Variants in GATAD2B observed in about 807,000 individuals in gnomAD.
The protein encoded by GATAD2B is GATA zinc finger domain containing 2B.
A neutral mutation model predicts 64.3 loss-of-function variants in GATAD2B; 8 were observed. The ratio of observed to expected loss-of-function variants is 0.12; its 90% CI spans 0.07 to 0.22. The LOEUF is 0.22. GATAD2B is among the 10% of genes least tolerant of loss of function. The pLI, the probability that GATAD2B is intolerant of heterozygous loss-of-function variation, is 1.00. For missense variants in GATAD2B, 453 were observed against 752.0 expected, an observed-to-expected ratio of 0.60 and a Z score of 4.65; for synonymous variants, 281 against 271.3, an observed-to-expected ratio of 1.04 and a Z score of -0.35.
chr1:153,865,756 A>G (rs1676457268), intron 1 of GATAD2B, among the ~76,000 whole-genome samples: 1 of 152,236 alleles, frequency 6.6e-6, no homozygotes, highest in African/African-American at 2.4e-5. Context: ...TATAAGGGTA[A>G]CCACATTTTG....
intron 1 of GATAD2B, among the ~76,000 whole-genome samples, chr1:153,895,783 T>C (rs1268495811): frequency 6.6e-6 from 1 of 152,094 alleles, no homozygotes; most frequent in Non-Finnish European, 1.5e-5. Context: ...CTAAGTCTGA[T>C]GCTCACAGCT....
intron 1 of GATAD2B, among the ~76,000 whole-genome samples, chr1:153,843,771 A>C (rs888583478): frequency 1.3e-5 from 2 of 148,392 alleles, no homozygotes; most frequent in Admixed American, 1.4e-4. Context: ...TTCAACAGAG[A>C]CCAGAGATTT....
intron 1 of GATAD2B, among the ~76,000 whole-genome samples, chr1:153,896,466 C>T (rs574785739): frequency 3.0e-4 from 38 of 124,798 alleles, no homozygotes; most frequent in African/African-American, 9.9e-4. Context: ...AATGGAGTTT[C>T]GCTCTTGTTG....
chr1:153,882,624 T>G (rs1204987804), intron 1 of GATAD2B, among the ~76,000 whole-genome samples: 1 of 152,220 alleles, frequency 6.6e-6, no homozygotes, highest in Non-Finnish European at 1.5e-5. Context: ...TTTTAATGCT[T>G]TAAGCCCAGC....
intron 1 of GATAD2B, among the ~76,000 whole-genome samples, chr1:153,833,769 C>T (rs905686932): frequency 2.0e-5 from 3 of 148,988 alleles, no homozygotes; most frequent in African/African-American, 7.5e-5. Flanking sequence ...AAGATCATGC[C>T]ACTGCGCTCC....
chr1:153,905,482 T>C (rs1677896044), intron 1 of GATAD2B, among the ~76,000 whole-genome samples: 2 of 141,482 alleles, frequency 1.4e-5, no homozygotes, highest in South Asian at 4.4e-4. Context: ...TAAAAAACTA[T>C]GTGAAAAGAA....
At chr1:153,915,994 A>C (rs1394483213) in intron 1 of GATAD2B, among the ~76,000 whole-genome samples, 1 of 152,126 alleles carries the variant, frequency 6.6e-6, no homozygotes, top group Non-Finnish European at 1.5e-5. Flanking sequence ...CAAGAGAATA[A>C]GACAGCCGGG....
intron 1 of GATAD2B, among the ~76,000 whole-genome samples, chr1:153,838,269 ATG>A (rs1675343349): frequency 6.6e-6 from 1 of 152,158 alleles, no homozygotes; most frequent in African/African-American, 2.4e-5. Flanking sequence ...ATCATACACT[ATG>A]TGTCAAAGTC....
intron 1 of GATAD2B, among the ~76,000 whole-genome samples, chr1:153,838,096 C>A (rs943338449): frequency 6.6e-6 from 1 of 152,128 alleles, no homozygotes; most frequent in Non-Finnish European, 1.5e-5. Flanking sequence ...ATCCCAACTG[C>A]AAAGCTTTAG....
intron 1 of GATAD2B, among the ~76,000 whole-genome samples, chr1:153,901,595 C>T (rs1287096281): frequency 6.6e-6 from 1 of 151,902 alleles, no homozygotes; most frequent in East Asian, 1.9e-4. Flanking sequence ...GAGGCCGAGG[C>T]AGGTGGATCA....
chr1:153,875,210 T>C (rs905823216), intron 1 of GATAD2B, among the ~76,000 whole-genome samples: 2 of 152,168 alleles, frequency 1.3e-5, no homozygotes, highest in Non-Finnish European at 2.9e-5. Flanking sequence ...TTCTGATTTC[T>C]AGAACTTGCT....
In GATAD2B at chr1:153,846,266, T is replaced by A. The variant is rs535386359; in HGVS notation, c.-1-17918A>T. On this transcript the variant is annotated intron_variant, in intron 1 of 10. Transcript: ENST00000368655. ...TATGTTTGTTTTGAGACAGTCTCAC[T>A]CTGTCACCCAGGCTGGGGTGCAGTG... Among the ~76,000 whole-genome samples, 19 of 152,290 alleles carry A rather than the reference T, an allele frequency of 1.2e-4. No homozygotes were observed. The East Asian group carries it at 3.3e-3, about 26-fold the overall frequency.
chr1:153,838,125 C>T (rs1675339035), intron 1 of GATAD2B, among the ~76,000 whole-genome samples: 1 of 152,176 alleles, frequency 6.6e-6, no homozygotes, highest in African/African-American at 2.4e-5. Flanking sequence ...TCTGGAATTA[C>T]AACACAGGTC....
intron 1 of GATAD2B, chr1:153,853,108 T>G (rs900437755): frequency 7.5e-6 from 11 of 1,474,736 alleles, no homozygotes; most frequent in African/African-American, 6.9e-5. Context: ...ACAACCTGAG[T>G]TGATGGCTGA....
intron 2 of GATAD2B, among the ~76,000 whole-genome samples, chr1:153,824,568 C>T (rs59459240): frequency 0.04 from 5,774 of 142,986 alleles, 163 homozygotes; most frequent in South Asian, 0.12. Context: ...GCCAAGATTG[C>T]GCCACTTTAC....
chr1:153,864,843 C>T (rs534714032), intron 1 of GATAD2B, among the ~76,000 whole-genome samples: 10 of 150,800 alleles, frequency 6.6e-5, no homozygotes, highest in Non-Finnish European at 1.3e-4. Context: ...CTGAGGTGGG[C>T]GGATCACTTG....
At chr1:153,887,771 C>T (rs1677229436) in intron 1 of GATAD2B, among the ~76,000 whole-genome samples, 1 of 151,994 alleles carries the variant, frequency 6.6e-6, no homozygotes, top group South Asian at 2.1e-4. Flanking sequence ...TCTATTGACT[C>T]AAGTATTGCA....
chr1:153,880,830 A>G (rs141729113), intron 1 of GATAD2B, among the ~76,000 whole-genome samples: 3,687 of 152,026 alleles, frequency 0.024, 70 homozygotes, highest in Middle Eastern at 0.037. Context: ...GGTGACAGAG[A>G]CCCTGTCTCA....
intron 1 of GATAD2B, among the ~76,000 whole-genome samples, chr1:153,868,534 C>A (rs1676553847): frequency 6.6e-6 from 1 of 151,898 alleles, no homozygotes; most frequent in African/African-American, 2.4e-5. Context: ...AATTTAAAGT[C>A]TTTAATAAAC....
Sources: allele counts gnomAD v4.1 joint callset (sites outside exome capture counted in the v4.1 genomes callset), GRCh38; gene constraint gnomAD v4.1.1; transcripts MANE v1.5; gene names NCBI Gene and HGNC (gene_info 2026-07-23, HGNC 2026-07-21).